LRBA: variants seen among roughly 807,000 people sequenced by gnomAD.
LRBA encodes the protein lipopolysaccharide-responsive and beige-like anchor protein.
A neutral mutation model predicts 330.0 loss-of-function variants in LRBA; 176 were observed. The observed-to-expected ratio is 0.53, with a 90% CI of 0.47 to 0.60. The LOEUF is 0.60. Among genes scored for constraint, LRBA ranks in the 20% least tolerant of loss-of-function variants. The pLI is 0.00. For synonymous variants in LRBA, 1,230 were observed against 1,193.0 expected (o/e 1.03, Z -0.64); for missense variants, 3,259 against 3,444.8 (o/e 0.95, Z 1.35).
At chr4:150,514,680 G>A (rs1384352410) in intron 40 of LRBA, among the ~76,000 whole-genome samples, 2 of 152,024 alleles carry the variant, frequency 1.3e-5, no homozygotes, top group Admixed American at 6.6e-5. Context: ...AGGCATACGA[G>A]GCAGAAAAAG....
intron 34 of LRBA, 57 bp downstream of exon 34, chr4:150,798,024 G>A (rs929780553): frequency 1.1e-4 from 126 of 1,169,470 alleles, no homozygotes; most frequent in Middle Eastern, 5.9e-4. Flanking sequence ...AATCCCCCAT[G>A]AAAACAAATT....
chr4:150,920,966 A>G (rs936105796), intron 5 of LRBA, among the ~76,000 whole-genome samples: 2 of 152,256 alleles, frequency 1.3e-5, no homozygotes, highest in East Asian at 1.9e-4. Context: ...TTCTTATTCC[A>G]TTGCTGACCC....
intron 40 of LRBA, among the ~76,000 whole-genome samples, chr4:150,524,195 A>G (rs767646938): frequency 7.2e-5 from 11 of 152,222 alleles, no homozygotes; most frequent in Non-Finnish European, 1.2e-4. Flanking sequence ...GTCATAAAAT[A>G]GAATAATTGG....
chr4:150,805,172 G>GAA (rs1315394262), intron 33 of LRBA, among the ~76,000 whole-genome samples: 2 of 72,482 alleles, frequency 2.8e-5, no homozygotes, highest in South Asian at 8.0e-4. Flanking sequence ...TGCGCAAAAA[G>GAA]AAAAAAAAAA....
At chr4:150,635,368 T>C (rs1300005324) in intron 37 of LRBA, among the ~76,000 whole-genome samples, 2 of 152,222 alleles carry the variant, frequency 1.3e-5, no homozygotes, top group Non-Finnish European at 2.9e-5. Context: ...CCCAAATATA[T>C]GTTAATGTGT....
Position 150,276,305 on chromosome 4 carries a change from C to T in LRBA, c.8468+1548G>A, listed in dbSNP as rs564233488. On this transcript the variant is annotated intron_variant, in intron 56 of 56. Coordinates refer to ENST00000651943, the MANE Select transcript of LRBA (RefSeq NM_001364905.1). ...ACTCAAGATGGATGAAAGACTTAAA[C>T]GTAAGGCCTAAAACCATAAAAACCC... Among the ~76,000 whole-genome samples, 147 of 152,240 alleles carry T rather than the reference C, an allele frequency of 9.7e-4. 3 individuals carry two copies. Among genetic ancestry groups the T allele is most frequent in the African/African-American group, 3.2e-3 (132 of 41,548 alleles).
intron 40 of LRBA, among the ~76,000 whole-genome samples, chr4:150,524,246 T>C (rs971540893): frequency 6.6e-6 from 1 of 152,172 alleles, no homozygotes. Context: ...TTCTTATAGT[T>C]ACATCACTAA....
chr4:150,923,199 AC>A (rs1430214521), intron 4 of LRBA, among the ~76,000 whole-genome samples: 3 of 151,282 alleles, frequency 2.0e-5, no homozygotes, highest in Non-Finnish European at 4.4e-5. Context: ...AAAAAAAAAA[AC>A]AACTATACTT....
At chr4:150,425,884 G>T (rs564406049) in intron 46 of LRBA, among the ~76,000 whole-genome samples, 1 of 152,064 alleles carries the variant, frequency 6.6e-6, no homozygotes, top group African/African-American at 2.4e-5. Flanking sequence ...CTAATTTAAG[G>T]TGCACTGCTT....
At chr4:150,664,047 A>G (rs1213170363) in intron 37 of LRBA, among the ~76,000 whole-genome samples, 1 of 152,220 alleles carries the variant, frequency 6.6e-6, no homozygotes, top group East Asian at 1.9e-4. Context: ...GAGATGCACG[A>G]AAAAGATGAA....
intron 36 of LRBA, among the ~76,000 whole-genome samples, chr4:150,703,895 G>C (rs1582096819): frequency 6.6e-6 from 1 of 151,540 alleles, no homozygotes; most frequent in African/African-American, 2.4e-5. Flanking sequence ...ATAAAGAACA[G>C]AACATTTCAC....
chr4:150,893,664 T>C (rs1729738356), intron 16 of LRBA, among the ~76,000 whole-genome samples: 1 of 151,954 alleles, frequency 6.6e-6, no homozygotes, highest in Admixed American at 6.6e-5. Context: ...ACAATTTCTT[T>C]GTTTTTTTGT....
At chr4:150,809,889 CGATACGATACGAT>C (rs1743415410) in intron 31 of LRBA, among the ~76,000 whole-genome samples, 1 of 148,800 alleles carries the variant, frequency 6.7e-6, no homozygotes, top group Non-Finnish European at 1.5e-5. Flanking sequence ...CGATACGATA[CGATACGATACGAT>C]ACGATACGAT....
At chr4:151,001,615 G>C (rs997335896) in intron 2 of LRBA, among the ~76,000 whole-genome samples, 1 of 151,932 alleles carries the variant, frequency 6.6e-6, no homozygotes, top group East Asian at 1.9e-4. Flanking sequence ...AGACTGGCAG[G>C]CCTAGACCAT....
At chr4:150,875,477 A>T (rs1035295768) in intron 17 of LRBA, among the ~76,000 whole-genome samples, 1 of 152,228 alleles carries the variant, frequency 6.6e-6, no homozygotes, top group African/African-American at 2.4e-5. Flanking sequence ...GAGGCAACAG[A>T]GAACTTCTCC....
intron 2 of LRBA, among the ~76,000 whole-genome samples, chr4:150,937,704 G>A (rs1561030337): frequency 2.0e-5 from 3 of 151,958 alleles, no homozygotes; most frequent in African/African-American, 7.2e-5. Context: ...GCTTTCTATA[G>A]GTTATACTTT....
chr4:150,920,514 A>G (rs1279044946), intron 5 of LRBA, among the ~76,000 whole-genome samples: 1 of 152,194 alleles, frequency 6.6e-6, no homozygotes, highest in African/African-American at 2.4e-5. Context: ...GCACCACTGC[A>G]CTCCAGCCTG....
chr4:150,915,529 G>T, intron 8 of LRBA, 79 bp downstream of exon 8: 3 of 1,291,440 alleles, frequency 2.3e-6, no homozygotes, highest in Non-Finnish European at 1.1e-6. Context: ...TTATATTCAA[G>T]TTGTAAAACT....
At chr4:150,683,432 G>C (rs1783226701) in intron 37 of LRBA, 119 bp downstream of exon 37, 2 of 800,848 alleles carry the variant, frequency 2.5e-6, no homozygotes, top group East Asian at 2.5e-5. Context: ...TAGAGATGAT[G>C]AAAGACAAAA....
Sources: allele counts gnomAD v4.1 joint callset (sites outside exome capture counted in the v4.1 genomes callset), GRCh38; gene constraint gnomAD v4.1.1; transcripts MANE v1.5; gene names NCBI Gene and HGNC (gene_info 2026-07-23, HGNC 2026-07-21).